Variants in PRRT1 observed in about 807,000 individuals in gnomAD.
The protein encoded by PRRT1 is proline-rich transmembrane protein 1.
In PRRT1, 8 loss-of-function variants were observed where a neutral mutation model predicts 22.6. The ratio of observed to expected loss-of-function variants is 0.35; its 90% CI spans 0.21 to 0.64. The LOEUF (loss-of-function observed/expected upper bound fraction) is 0.64, where lower values mean the gene tolerates loss of function less well. PRRT1 is among the 30% of genes least tolerant of loss of function. The pLI, the probability that PRRT1 is intolerant of heterozygous loss-of-function variation, is 0.69. For synonymous variants in PRRT1, 176 were observed against 203.6 expected (o/e 0.86, Z 1.15); for missense variants, 315 against 444.5 (o/e 0.71, Z 2.62).
rs746387316 is a variant in PRRT1, at chr6:32,149,082, G to C, written c.*140C>G. Reference sequence around the variant, plus strand: ...GCTTGCTCGCAAGGCGAGACGTTCCGTGGAGGCGGAGTTTACGATGTATCC... The same window carrying C: ...GCTTGCTCGCAAGGCGAGACGTTCCCTGGAGGCGGAGTTTACGATGTATCC... On this transcript the variant is annotated 3_prime_UTR_variant, in exon 4 of 4. Transcript: ENST00000211413. This position sits in a 1 kb window ranked among gnomAD's most constrained non-coding sequence, Gnocchi z 8.7. 2.8e-5 allele frequency: 26 copies of C among 935,074 alleles called. No homozygotes were observed. Among genetic ancestry groups the C allele is most frequent in the Admixed American group, 4.0e-5 (2 of 50,222 alleles). The allele number at this position is 935,074 out of a possible 1,614,324, so 57.9% of individuals were successfully genotyped here. A position where few individuals can be genotyped will look rare whatever the true frequency, so the allele number is the denominator to read the frequency against.
chr6:32,151,314 A>C, intron 1 of PRRT1: 1 of 445,048 alleles, frequency 2.2e-6, no homozygotes, highest in Non-Finnish European at 4.1e-6. Flanking sequence ...CAGTTGTATA[A>C]ACACATGTGG....
rs752862540 is a variant in PRRT1, at chr6:32,149,390, C to G, written c.753G>C (p.Thr251=). 7 of 1,599,166 alleles carry G rather than the reference C, an allele frequency of 4.4e-6. No individual in the cohort carries two copies. The highest frequency in any genetic ancestry group is 6.0e-6 in the Non-Finnish European group (7 of 1,169,780). Residue 251 remains threonine, a synonymous_variant, in exon 4 of 4, where the codon ACG becomes ACC. Transcript: ENST00000211413. This position sits in a 1 kb window ranked among gnomAD's most constrained non-coding sequence, Gnocchi z 8.7. ...ACACCATGTCTCCGCGGGCCAAGGC[C>G]GTGCGCACCTACGGAGGAGGGGTGG... The part of the protein sequence containing the change: ...IAIFKAVQVR[T]ALARGDMVSA...
rs770926743 is a variant in PRRT1 at position 32,149,714 on chromosome 6, T to G, written c.567A>C (p.Ala189=). ...VPVYPVGTPY[A]GGTPGGTGVT... is the part of the protein sequence containing the mutation. ...CTCCTGTTCCCCCCGGGGTCCCGCCTGCATATGGCTGTGGAAGGAAATTTG... is the reference window on the plus strand; with the variant it reads ...CTCCTGTTCCCCCCGGGGTCCCGCCGGCATATGGCTGTGGAAGGAAATTTG... The change falls in exon 3 of 4, where the codon GCA becomes GCC. Residue 189 remains alanine, a synonymous_variant. Transcript: ENST00000211413. The surrounding 1 kb of genome is among the most constrained non-coding windows in gnomAD (Gnocchi z 8.7). 7 of 1,572,174 alleles carry G rather than the reference T, an allele frequency of 4.5e-6. No homozygotes were observed. Among genetic ancestry groups the G allele is most frequent in the Non-Finnish European group, 6.0e-6 (7 of 1,158,916 alleles).
At position 32,150,084 on chromosome 6, in the gene PRRT1, C is replaced by T. The variant is rs1316718259; in HGVS notation, c.558+284G>A. ...TCCCTCTTGGTTCCCAGCTTCCATTCCCCCCGTCCCCCGCCAGGCGGTTTC... is the reference window on the plus strand; with the variant it reads ...TCCCTCTTGGTTCCCAGCTTCCATTTCCCCCGTCCCCCGCCAGGCGGTTTC... On this transcript the variant is annotated intron_variant, in intron 2 of 3. Coordinates refer to ENST00000211413, the MANE Select transcript of PRRT1 (RefSeq NM_030651.4). The surrounding 1 kb of genome is among the most constrained non-coding windows in gnomAD (Gnocchi z 7.2). 6.6e-6 allele frequency among the ~76,000 whole-genome samples: 1 copy of T among 151,948 alleles called. No homozygotes were observed. The highest frequency in any genetic ancestry group is 1.9e-4 in the East Asian group (1 of 5,152).
At position 32,150,351 on chromosome 6, in the gene PRRT1, G is replaced by A. The variant is rs1783189894; in HGVS notation, c.558+17C>T. On this transcript the variant is annotated intron_variant, in intron 2 of 3. Transcript: ENST00000211413. This position sits in a 1 kb window ranked among gnomAD's most constrained non-coding sequence, Gnocchi z 7.2. ...GCGTCCCCCTCTTTCCCATGTCCCT[G>A]TCTGCCCGGCACTCACCGTGCCCAC... 3.2e-6 allele frequency: 5 copies of A among 1,550,062 alleles called. No individual in the cohort carries two copies. The highest frequency in any genetic ancestry group is 4.3e-6 in the Non-Finnish European group (5 of 1,155,798).
Position 32,148,529 on chromosome 6 carries a change from T to G in PRRT1, c.*693A>C. On this transcript the variant is annotated 3_prime_UTR_variant, in exon 4 of 4. Coordinates refer to ENST00000211413, the MANE Select transcript of PRRT1 (RefSeq NM_030651.4). This position sits in a 1 kb window ranked among gnomAD's most constrained non-coding sequence, Gnocchi z 5.7. The stretch of plus-strand genomic sequence containing the variant: ...AGGGGCTGGGATGGGTGGAAGGGAG[T>G]ATTTACAGAGCGTTTACAGGCAGGT... The G allele has an allele frequency of 2.0e-5, 6 of 304,094 alleles. No homozygotes were observed. The highest frequency in any genetic ancestry group is 3.3e-5 in the Non-Finnish European group (5 of 150,782). The allele number at this position is 304,094 out of a possible 1,614,324, so 18.8% of individuals were successfully genotyped here. A position where few individuals can be genotyped will look rare whatever the true frequency, so the allele number is the denominator to read the frequency against.
In PRRT1 at chr6:32,148,822, A is replaced by AG. The variant is rs930537126; in HGVS notation, c.*399dup. 48 of 502,534 alleles carry AG rather than the reference A, an allele frequency of 9.6e-5. No homozygotes were observed. The highest frequency in any genetic ancestry group is 3.0e-4 in the Middle Eastern group (1 of 3,366). 31.1% of individuals were successfully genotyped at this position (502,534 alleles called of 1,614,324 possible). On this transcript the variant is annotated 3_prime_UTR_variant, in exon 4 of 4. Coordinates refer to ENST00000211413, the MANE Select transcript of PRRT1 (RefSeq NM_030651.4). This position sits in a 1 kb window ranked among gnomAD's most constrained non-coding sequence, Gnocchi z 5.7. ...ACTGGACTGAATCACCCCGCGGAGA[A>AG]GAAAAGAAGGCGGAGCCTGCCGACC...
Position 32,149,432 on chromosome 6 carries a change from A to G in PRRT1, c.745-34T>C, listed in dbSNP as rs757669748. 5.6e-6 allele frequency: 9 copies of G among 1,594,178 alleles called. No homozygotes were observed. Among genetic ancestry groups the G allele is most frequent in the Non-Finnish European group, 6.0e-6 (7 of 1,167,580 alleles). On this transcript the variant is annotated intron_variant, in intron 3 of 3. Transcript: ENST00000211413. This position sits in a 1 kb window ranked among gnomAD's most constrained non-coding sequence, Gnocchi z 8.7. ...GAGGGGTGGGGGAAGGAGGTCAAAG[A>G]GCTGCGGCCTCGTTCGAACGCCTCA... is the stretch of plus-strand genomic sequence containing the variant.
In PRRT1 at chr6:32,149,507, C is replaced by A; in HGVS notation, c.744+30G>T. On this transcript the variant is annotated intron_variant, in intron 3 of 3. Coordinates refer to ENST00000211413, the MANE Select transcript of PRRT1 (RefSeq NM_030651.4). The surrounding 1 kb of genome is among the most constrained non-coding windows in gnomAD (Gnocchi z 8.7). ...AACGCCCAGAACTCCCTGTCCCCGCCCCCAAACCGAGTATGCCCCTGCCCC... is the reference window on the plus strand; with the variant it reads ...AACGCCCAGAACTCCCTGTCCCCGCACCCAAACCGAGTATGCCCCTGCCCC... 1 of 1,612,152 alleles carries A rather than the reference C, an allele frequency of 6.2e-7. No individual in the cohort carries two copies. Among genetic ancestry groups the A allele is most frequent in the Non-Finnish European group, 8.5e-7 (1 of 1,179,552 alleles).
Position 32,150,958 on chromosome 6 carries a change from A to C in PRRT1, c.20-52T>G. 1 of 1,431,548 alleles carries C rather than the reference A, an allele frequency of 7.0e-7. No homozygotes were observed. Among genetic ancestry groups the C allele is most frequent in the African/African-American group, 1.4e-5 (1 of 71,982 alleles). The allele number at this position is 1,431,548 out of a possible 1,614,324, so 88.7% of individuals were successfully genotyped here. On this transcript the variant is annotated intron_variant, in intron 1 of 3. Transcript: ENST00000211413. This position sits in a 1 kb window ranked among gnomAD's most constrained non-coding sequence, Gnocchi z 7.2. ...TAAGAGGAAAGATGACACAGTGATG[A>C]GTTGAGGAGGGGGTAAGGGGAAACA...
Position 32,150,986 on chromosome 6 carries a change from G to T in PRRT1, c.20-80C>A. 8.8e-7 allele frequency: 1 copy of T among 1,131,922 alleles called. No individual in the cohort carries two copies. Among genetic ancestry groups the T allele is most frequent in the Non-Finnish European group, 1.3e-6 (1 of 776,232 alleles). 70.1% of individuals were successfully genotyped at this position (1,131,922 alleles called of 1,614,324 possible). On this transcript the variant is annotated intron_variant, in intron 1 of 3. Transcript: ENST00000211413. This position sits in a 1 kb window ranked among gnomAD's most constrained non-coding sequence, Gnocchi z 7.2. ...TGAGGAGGGGGTAAGGGGAAACACAGCCGGTCAGGGATGGAGAAAGATAAT... is the reference window on the plus strand; with the variant it reads ...TGAGGAGGGGGTAAGGGGAAACACATCCGGTCAGGGATGGAGAAAGATAAT...
Position 32,148,836 on chromosome 6 carries a change from A to G in PRRT1, c.*386T>C. ...CCCCGCGGAGAAGAAAAGAAGGCGG[A>G]GCCTGCCGACCTGGAGGCGGGGTTT... On this transcript the variant is annotated 3_prime_UTR_variant, in exon 4 of 4. Coordinates refer to ENST00000211413, the MANE Select transcript of PRRT1 (RefSeq NM_030651.4). The surrounding 1 kb of genome is among the most constrained non-coding windows in gnomAD (Gnocchi z 5.7). The G allele has an allele frequency of 1.9e-6, 1 of 524,516 alleles. No homozygotes were observed. Among genetic ancestry groups the G allele is most frequent in the African/African-American group, 1.9e-5 (1 of 52,924 alleles). 32.5% of individuals were successfully genotyped at this position (524,516 alleles called of 1,614,324 possible). A position where few individuals can be genotyped will look rare whatever the true frequency, so the allele number is the denominator to read the frequency against.
In PRRT1 at chr6:32,148,979, GCGTTTGGCCGGGATCC is replaced by G; in HGVS notation, c.*227_*242del. 1.4e-6 allele frequency: 1 copy of G among 699,304 alleles called. No homozygotes were observed. The highest frequency in any genetic ancestry group is 2.6e-6 in the Non-Finnish European group (1 of 383,468). The allele number at this position is 699,304 out of a possible 1,614,324, so 43.3% of individuals were successfully genotyped here. ...GGGGCCTGGAGCGACTGAGGGTCCG[GCGTTTGGCCGGGATCC>G]CGGAAAGCGGCGTCCCTGGGGGTGT... On this transcript the variant is annotated 3_prime_UTR_variant, in exon 4 of 4. Coordinates refer to ENST00000211413, the MANE Select transcript of PRRT1 (RefSeq NM_030651.4). The surrounding 1 kb of genome is among the most constrained non-coding windows in gnomAD (Gnocchi z 5.7).
Position 32,149,542 on chromosome 6 carries a change from C to T in PRRT1, c.739G>A (p.Val247Met), listed in dbSNP as rs1395904735. 2 of 1,612,954 alleles carry T rather than the reference C, an allele frequency of 1.2e-6. No individual in the cohort carries two copies. Among genetic ancestry groups the T allele is most frequent in the Non-Finnish European group, 1.7e-6 (2 of 1,180,046 alleles). The change falls in exon 3 of 4, where the codon GTG (valine) becomes ATG (methionine). Residue 247 changes from valine (V) to methionine (M), a missense_variant. Coordinates refer to ENST00000211413, the MANE Select transcript of PRRT1 (RefSeq NM_030651.4). The surrounding 1 kb of genome is among the most constrained non-coding windows in gnomAD (Gnocchi z 8.7). ...AGTATGCCCCTGCCCCCTACCTGCA[C>T]GGCCTTGAAGATGGCAATGATGCCA... is the stretch of plus-strand genomic sequence containing the variant. ...PTGIIAIFKA[V>M]QVRTALARGD...
In PRRT1 at chr6:32,148,953, G is replaced by A; in HGVS notation, c.*269C>T. ...TGGGGGCGCTACACTTTGAGGGTGA[G>A]GGGGCCTGGAGCGACTGAGGGTCCG... is the stretch of plus-strand genomic sequence containing the variant. On this transcript the variant is annotated 3_prime_UTR_variant, in exon 4 of 4. Coordinates refer to ENST00000211413, the MANE Select transcript of PRRT1 (RefSeq NM_030651.4). The surrounding 1 kb of genome is among the most constrained non-coding windows in gnomAD (Gnocchi z 5.7). 1.5e-6 allele frequency: 1 copy of A among 689,462 alleles called. No homozygotes were observed. The highest frequency in any genetic ancestry group is 2.7e-6 in the Non-Finnish European group (1 of 376,732). The allele number at this position is 689,462 out of a possible 1,614,324, so 42.7% of individuals were successfully genotyped here. A position where few individuals can be genotyped will look rare whatever the true frequency, so the allele number is the denominator to read the frequency against.
chr6:32,151,250 T>C, intron 1 of PRRT1: 1 of 569,556 alleles, frequency 1.8e-6, no homozygotes, highest in Non-Finnish European at 3.2e-6. Flanking sequence ...GAGCTAGTCC[T>C]GTGTGTGCGT....
At position 32,148,420 on chromosome 6, in the gene PRRT1, C is replaced by G; in HGVS notation, c.*802G>C. The G allele has an allele frequency of 4.2e-6, 1 of 239,456 alleles. No individual in the cohort carries two copies. Among genetic ancestry groups the G allele is most frequent in the Non-Finnish European group, 8.5e-6 (1 of 117,536 alleles). 14.8% of individuals were successfully genotyped at this position (239,456 alleles called of 1,614,324 possible). A position where few individuals can be genotyped will look rare whatever the true frequency, so the allele number is the denominator to read the frequency against. On this transcript the variant is annotated 3_prime_UTR_variant, in exon 4 of 4. Transcript: ENST00000211413. This position sits in a 1 kb window ranked among gnomAD's most constrained non-coding sequence, Gnocchi z 5.7. ...AGTTCACACACACTCACACACAGAT[C>G]AGAACAAGGCGGGGCCGCCGAGGGG...
At position 32,149,849 on chromosome 6, in the gene PRRT1, C is replaced by T; in HGVS notation, c.559-127G>A. ...CTATGGCTTCTCAAAATAAAGCACCCATTACCCTTCCAGGACACCCATAAA... is the reference window on the plus strand; with the variant it reads ...CTATGGCTTCTCAAAATAAAGCACCTATTACCCTTCCAGGACACCCATAAA... On this transcript the variant is annotated intron_variant, in intron 2 of 3. Coordinates refer to ENST00000211413, the MANE Select transcript of PRRT1 (RefSeq NM_030651.4). The surrounding 1 kb of genome is among the most constrained non-coding windows in gnomAD (Gnocchi z 8.7). 2 of 624,706 alleles carry T rather than the reference C, an allele frequency of 3.2e-6. No homozygotes were observed. Among genetic ancestry groups the T allele is most frequent in the South Asian group, 4.0e-5 (2 of 50,556 alleles). The allele number at this position is 624,706 out of a possible 1,614,324, so 38.7% of individuals were successfully genotyped here.
chr6:32,150,226 C>T lies in PRRT1; in HGVS notation c.558+142G>A. The T allele has an allele frequency of 1.9e-6, 2 of 1,064,832 alleles. No individual in the cohort carries two copies. The highest frequency in any genetic ancestry group is 2.5e-6 in the Non-Finnish European group (2 of 789,940). The allele number at this position is 1,064,832 out of a possible 1,614,324, so 66.0% of individuals were successfully genotyped here. ...CCCTAGTCCTTCCTGTCTCAGGCTC[C>T]CTTCTTTCTAGGGCTTGTCCCGGGA... is the stretch of plus-strand genomic sequence containing the variant. On this transcript the variant is annotated intron_variant, in intron 2 of 3. Transcript: ENST00000211413. This position sits in a 1 kb window ranked among gnomAD's most constrained non-coding sequence, Gnocchi z 7.2.
Sources: allele counts gnomAD v4.1 joint callset (sites outside exome capture counted in the v4.1 genomes callset), GRCh38; gene constraint gnomAD v4.1.1; non-coding constraint Gnocchi (gnomAD v3.1); transcripts MANE v1.5; gene names NCBI Gene and HGNC (gene_info 2026-07-23, HGNC 2026-07-21).